SERPINA12: variants seen among roughly 807,000 people sequenced by gnomAD.
The protein encoded by SERPINA12 is serpin A12.
A neutral mutation model predicts 25.9 loss-of-function variants in SERPINA12; 21 were observed. That is an observed-to-expected ratio of 0.81 (90% confidence interval 0.58 to 1.17). SERPINA12 has a LOEUF of 1.17. Among genes scored for constraint, SERPINA12 ranks in the 50% most tolerant of loss-of-function variants. The pLI is 0.00. For missense variants in SERPINA12, 562 were observed against 508.3 expected (o/e 1.11, Z -1.02); for synonymous variants, 220 against 196.0 (o/e 1.12, Z -1.02).
intron 3 of SERPINA12, among the ~76,000 whole-genome samples, chr14:94,494,230 G>T (rs1447144260): frequency 6.6e-6 from 1 of 152,164 alleles, no homozygotes. Flanking sequence ...GTTCCCTAGG[G>T]AGATCTCTCA....
chr14:94,516,219 G>A (rs1031220053), intron 1 of SERPINA12: 3 of 152,396 alleles, frequency 2.0e-5, no homozygotes, highest in African/African-American at 7.2e-5. Context: ...TGGGAGCTGG[G>A]GAGAAGTCTG....
intron 3 of SERPINA12, among the ~76,000 whole-genome samples, chr14:94,490,916 C>G (rs1900153990): frequency 6.6e-6 from 1 of 152,192 alleles, no homozygotes; most frequent in Non-Finnish European, 1.5e-5. Context: ...GGCTCCACCC[C>G]TCCCATCTCT....
chr14:94,514,270 C>A (rs975887853), upstream of SERPINA12, among the ~76,000 whole-genome samples: 11 of 152,224 alleles, frequency 7.2e-5, no homozygotes, highest in African/African-American at 2.7e-4. Context: ...TTGGCAGCAA[C>A]CCAAAGGGCC....
chr14:94,490,889 C>A (rs564618706), intron 3 of SERPINA12, among the ~76,000 whole-genome samples: 20 of 152,272 alleles, frequency 1.3e-4, no homozygotes, highest in African/African-American at 4.8e-4. Context: ...CCTTCCCCAC[C>A]ACTCCTGCCC....
rs771587903 is a variant in SERPINA12 at position 94,498,435 on chromosome 14, G to A, written c.-33-5C>T. 3.2e-6 allele frequency: 5 copies of A among 1,582,924 alleles called. No homozygotes were observed. In the Admixed American group the frequency reaches 9.1e-5, roughly 29 times the overall value. ...ATATCCTGTTGAGTAGTAGACCTGA[G>A]GTCAGCAGAAAAAAAGAACATGATA... On this transcript the variant is annotated splice_region_variant and splice_polypyrimidine_tract_variant and intron_variant, in intron 1 of 4. Transcript: ENST00000677451.
intron 1 of SERPINA12, among the ~76,000 whole-genome samples, chr14:94,506,966 T>C (rs1900950844): frequency 6.6e-6 from 1 of 152,170 alleles, no homozygotes; most frequent in African/African-American, 2.4e-5. Context: ...AGCTGACCAA[T>C]GGAACAGACT....
intron 3 of SERPINA12, among the ~76,000 whole-genome samples, chr14:94,493,785 T>C (rs1000106741): frequency 1.3e-5 from 2 of 152,258 alleles, no homozygotes; most frequent in Non-Finnish European, 2.9e-5. Context: ...AGTCTGGCAC[T>C]AGCCTACAGA....
intron 1 of SERPINA12, among the ~76,000 whole-genome samples, chr14:94,501,523 T>C (rs1035830950): frequency 1.3e-5 from 2 of 152,162 alleles, no homozygotes; most frequent in African/African-American, 4.8e-5. Flanking sequence ...CCAACTTGTG[T>C]GTTTGTTAGG....
upstream of SERPINA12, chr14:94,509,980 C>A: frequency 2.0e-6 from 2 of 985,436 alleles, no homozygotes; most frequent in Non-Finnish European, 2.4e-6. Context: ...ACATGGCCCT[C>A]TCTCACCTCC....
intron 1 of SERPINA12, among the ~76,000 whole-genome samples, chr14:94,500,397 T>C (rs908665543): frequency 6.6e-6 from 1 of 152,112 alleles, no homozygotes; most frequent in Non-Finnish European, 1.5e-5. Context: ...AGGCAGCCCA[T>C]GTGCCTCAGG....
upstream of SERPINA12, among the ~76,000 whole-genome samples, chr14:94,512,841 G>T (rs1566816728): frequency 6.6e-6 from 1 of 152,160 alleles, no homozygotes; most frequent in African/African-American, 2.4e-5. Context: ...TTAAGGATGG[G>T]AAAAGCTCAT....
intron 3 of SERPINA12, among the ~76,000 whole-genome samples, chr14:94,491,744 G>A (rs1900187663): frequency 1.3e-5 from 2 of 152,188 alleles, no homozygotes; most frequent in African/African-American, 4.8e-5. Context: ...AGATGGGCAG[G>A]CTTGGGGAGG....
At chr14:94,492,705 T>C (rs1900228548) in intron 3 of SERPINA12, among the ~76,000 whole-genome samples, 1 of 152,210 alleles carries the variant, frequency 6.6e-6, no homozygotes, top group South Asian at 2.1e-4. Flanking sequence ...GGGAAGGCAC[T>C]AAGTGCAGCT....
intron 3 of SERPINA12, among the ~76,000 whole-genome samples, chr14:94,495,270 G>A (rs1056689979): frequency 5.3e-5 from 8 of 151,506 alleles, no homozygotes; most frequent in East Asian, 1.9e-4. Flanking sequence ...GGGTTTCACC[G>A]TTTTAGCCGG....
intron 3 of SERPINA12, among the ~76,000 whole-genome samples, chr14:94,495,072 T>TC (rs1207105917): frequency 2.9e-5 from 4 of 140,242 alleles, no homozygotes; most frequent in African/African-American, 1.1e-4. Context: ...TTCTTTTTTT[T>TC]TTTTTTTTTT....
At chr14:94,501,200 T>C in intron 1 of SERPINA12, 1 of 983,932 alleles carries the variant, frequency 1.0e-6, no homozygotes, top group Non-Finnish European at 1.2e-6. Context: ...GCTGCCTGGA[T>C]TAAAAATAGA....
chr14:94,511,083 A>G (rs1434742193), upstream of SERPINA12, among the ~76,000 whole-genome samples: 1 of 152,148 alleles, frequency 6.6e-6, no homozygotes, highest in Non-Finnish European at 1.5e-5. Context: ...TACCCCAAAA[A>G]CTCTTGAAAT....
intron 1 of SERPINA12, chr14:94,503,167 T>G (rs1263388925): frequency 1.0e-6 from 1 of 976,332 alleles, no homozygotes; most frequent in East Asian, 1.1e-4. Flanking sequence ...AATTAAATTA[T>G]TATTTTTAAA....
Position 94,497,896 on chromosome 14 carries a change from G to T in SERPINA12, c.502C>A (p.Gln168Lys), listed in dbSNP as rs1900511749. 1.2e-6 allele frequency: 2 copies of T among 1,614,038 alleles called. No homozygotes were observed. Among genetic ancestry groups the T allele is most frequent in the Admixed American group, 1.7e-5 (1 of 60,016 alleles). The change falls in exon 2 of 5, where the codon CAG (glutamine) becomes AAG (lysine). Residue 168 changes from glutamine to lysine, a missense_variant. By Grantham distance (53) the Gln-to-Lys change is moderately conservative. Coordinates refer to ENST00000677451, the MANE Select transcript of SERPINA12 (RefSeq NM_001382267.1). ...YSAETILTNF[Q>K]NLEMAQKQIN... ...TGCTTCTGAGCCATTTCCAAATTCT[G>T]AAAGTTGGTAAGGATGGTTTCGGCA...
Sources: gnomAD v4.1 joint callset for allele counts (sites outside exome capture counted in the v4.1 genomes callset) on GRCh38, gnomAD v4.1.1 for gene constraint, MANE v1.5 for transcripts, NCBI Gene and HGNC (gene_info 2026-07-23, HGNC 2026-07-21) for gene names.